Variants in AVEN observed in about 807,000 individuals in gnomAD.
AVEN encodes apoptosis and caspase activation inhibitor, also known as cell death regulator Aven.
In AVEN, 41 loss-of-function variants were observed where a neutral mutation model predicts 38.1. That is an observed-to-expected ratio of 1.08 (90% CI 0.84 to 1.40). The LOEUF (loss-of-function observed/expected upper bound fraction) is 1.40, where lower values mean the gene tolerates loss of function less well. Ranked by LOEUF, AVEN falls within the 40% of genes most tolerant of loss-of-function variation. AVEN has a pLI of 0.00. For synonymous variants in AVEN, 206 were observed against 171.8 expected (o/e 1.20, Z -1.56); for missense variants, 605 against 438.8 (o/e 1.38, Z -3.38).
intron 2 of AVEN, among the ~76,000 whole-genome samples, chr15:33,984,529 C>T (rs529001232): frequency 5.3e-5 from 8 of 151,878 alleles, no homozygotes; most frequent in Admixed American, 3.9e-4. Context: ...CAGCCTCCCG[C>T]GTAGCTCAGA....
In AVEN at chr15:34,063,141, C is replaced by G. The variant is rs200634273; in HGVS notation, n.1418G>C. 1.9e-6 allele frequency: 3 copies of G among 1,614,166 alleles called. No individual in the cohort carries two copies. Among genetic ancestry groups the G allele is most frequent in the Non-Finnish European group, 1.7e-6 (2 of 1,180,026 alleles). On this transcript the variant is annotated non_coding_transcript_exon_variant, in exon 5 of 12. Coordinates refer to the AVEN transcript ENST00000675287. This position sits in a 1 kb window ranked among gnomAD's most constrained non-coding sequence, Gnocchi z 4.1. Reference sequence around the variant, plus strand: ...AAGACCCTTGACATATCGGGCCAAGCGTACTCCGAAAAGGGCTGGCATCAT... The same window carrying G: ...AAGACCCTTGACATATCGGGCCAAGGGTACTCCGAAAAGGGCTGGCATCAT...
intron 2 of AVEN, among the ~76,000 whole-genome samples, chr15:33,903,959 C>G (rs1307407819): frequency 6.6e-6 from 1 of 152,072 alleles, no homozygotes; most frequent in Non-Finnish European, 1.5e-5. Context: ...ATACTGCAGG[C>G]AACTATAACA....
intron 4 of AVEN, among the ~76,000 whole-genome samples, chr15:33,869,815 C>T (rs771939541): frequency 6.0e-5 from 9 of 150,222 alleles, no homozygotes; most frequent in Non-Finnish European, 1.2e-4. Flanking sequence ...CAGTACGTCC[C>T]AAGGTTTCAC....
intron 2 of AVEN, among the ~76,000 whole-genome samples, chr15:33,965,149 A>C (rs1404173311): frequency 6.6e-6 from 1 of 152,226 alleles, no homozygotes; most frequent in Non-Finnish European, 1.5e-5. Flanking sequence ...CCAAGTAAGG[A>C]GTCAATAAAT....
chr15:33,854,753 C>G (rs202155048), downstream of AVEN: 2 of 1,590,202 alleles, frequency 1.3e-6, no homozygotes, highest in South Asian at 1.2e-5. Context: ...AGTCTGCTTT[C>G]TTCCATTCCC....
intron 2 of AVEN, among the ~76,000 whole-genome samples, chr15:34,000,451 G>C (rs1046991589): frequency 6.6e-6 from 1 of 152,142 alleles, no homozygotes; most frequent in African/African-American, 2.4e-5. Context: ...CAGAGATGAC[G>C]AACACCAGGA....
chr15:33,891,732 TG>T (rs1891979118), intron 2 of AVEN, among the ~76,000 whole-genome samples: 1 of 152,232 alleles, frequency 6.6e-6, no homozygotes, highest in Non-Finnish European at 1.5e-5. Flanking sequence ...TATAATCCTT[TG>T]GGTATATACC....
chr15:33,881,489 CTCA>C (rs1226451644), intron 2 of AVEN, among the ~76,000 whole-genome samples: 1 of 152,170 alleles, frequency 6.6e-6, no homozygotes, highest in Non-Finnish European at 1.5e-5. Context: ...ACCTCTGAGG[CTCA>C]ACTGATCTTC....
At chr15:34,008,120 TAGTCGAAAATA>T (rs1897445597) in intron 1 of AVEN, among the ~76,000 whole-genome samples, 1 of 151,646 alleles carries the variant, frequency 6.6e-6, no homozygotes, top group Non-Finnish European at 1.5e-5. Flanking sequence ...GAGAAAAAAA[TAGTCGAAAATA>T]ATGGGTGGGC....
At chr15:33,870,711 C>T (rs912084739) in intron 4 of AVEN, among the ~76,000 whole-genome samples, 2 of 152,102 alleles carry the variant, frequency 1.3e-5, no homozygotes, top group Non-Finnish European at 2.9e-5. Context: ...CACTCAATTC[C>T]ACTACATTTG....
chr15:33,860,803 C>A, intron 11 of AVEN: 1 of 709,238 alleles, frequency 1.4e-6, no homozygotes, highest in Non-Finnish European at 2.3e-6. Flanking sequence ...TTCTCTGCAC[C>A]CTGCCATACC....
At chr15:33,895,269 TC>T (rs1168912166) in intron 2 of AVEN, among the ~76,000 whole-genome samples, 1 of 100,588 alleles carries the variant, frequency 9.9e-6, no homozygotes, top group Non-Finnish European at 2.4e-5. Context: ...GTTTATATTT[TC>T]TACTTCAGAG....
At chr15:34,070,224 C>A (rs1483195819) in intron 2 of AVEN, among the ~76,000 whole-genome samples, 1 of 152,116 alleles carries the variant, frequency 6.6e-6, no homozygotes, top group African/African-American at 2.4e-5. Flanking sequence ...CGCCTCCAGG[C>A]TTCAACTACC....
At chr15:34,061,496 T>C (rs1343532019) in intron 5 of AVEN, among the ~76,000 whole-genome samples, 1 of 152,198 alleles carries the variant, frequency 6.6e-6, no homozygotes, top group Non-Finnish European at 1.5e-5. Flanking sequence ...TATTAGTATA[T>C]GCATAGGGGA....
chr15:33,860,667 T>G (rs1263576685), intron 11 of AVEN: 1 of 1,556,852 alleles, frequency 6.4e-7, no homozygotes, highest in East Asian at 2.3e-5. Context: ...GAGGTAATGT[T>G]ACTCTAACTA....
In AVEN at chr15:33,867,678, G is replaced by T. The variant is rs766139908; in HGVS notation, c.790C>A (p.Pro264Thr). The T allele has an allele frequency of 1.9e-6, 3 of 1,614,124 alleles. No homozygotes were observed. The highest frequency in any genetic ancestry group is 2.2e-5 in the South Asian group (2 of 91,080). The change falls in exon 5 of 6, where the codon CCT becomes ACT. Residue 264 changes from proline to threonine, a missense_variant. Pro to Thr is a conservative substitution (Grantham distance 38). Coordinates refer to ENST00000306730, the MANE Select transcript of AVEN (RefSeq NM_020371.3). Reference sequence around the variant, plus strand: ...GTGGGTTTCTGAGAATCCCTTGAAGGACCCGGGCTTGGGTTGTCTTTGCCC... The same window carrying T: ...GTGGGTTTCTGAGAATCCCTTGAAGTACCCGGGCTTGGGTTGTCTTTGCCC... ...LLGKDNPSPGPSRDSQKPTSP... is the reference protein window; with the variant it reads ...LLGKDNPSPGTSRDSQKPTSP...
chr15:33,853,544 CT>C, the AVEN span: 2 of 1,612,346 alleles, frequency 1.2e-6, no homozygotes, highest in Non-Finnish European at 8.5e-7. Flanking sequence ...CCCTGTCATC[CT>C]TTGCTTCAGG....
chr15:33,916,232 G>A (rs1893131699), intron 2 of AVEN, among the ~76,000 whole-genome samples: 1 of 152,130 alleles, frequency 6.6e-6, no homozygotes, highest in Non-Finnish European at 1.5e-5. Flanking sequence ...CAAAACTTGT[G>A]CAATAAACAA....
intron 1 of AVEN, among the ~76,000 whole-genome samples, chr15:34,019,762 G>A (rs561287452): frequency 5.1e-4 from 78 of 152,226 alleles, no homozygotes; most frequent in South Asian, 4.1e-3. Context: ...ATACCATACC[G>A]CCTGGGTGTA....
Sources: allele counts gnomAD v4.1 joint callset (sites outside exome capture counted in the v4.1 genomes callset), GRCh38; gene constraint gnomAD v4.1.1; non-coding constraint Gnocchi (gnomAD v3.1); transcripts MANE v1.5; gene names NCBI Gene and HGNC (gene_info 2026-07-23, HGNC 2026-07-21).